Variants in STOX2 observed in about 807,000 individuals in gnomAD.
STOX2 encodes storkhead-box protein 2.
A neutral mutation model predicts 60.9 loss-of-function variants in STOX2; 28 were observed. The observed-to-expected ratio is 0.46, with a 90% CI of 0.34 to 0.63. The LOEUF (loss-of-function observed/expected upper bound fraction) is 0.63, where lower values mean the gene tolerates loss of function less well. Ranked by LOEUF, STOX2 falls within the 30% of genes least tolerant of loss-of-function variation. STOX2 has a pLI of 0.01. For synonymous variants in STOX2, 472 were observed against 463.9 expected, an observed-to-expected ratio of 1.02 and a Z score of -0.22; for missense variants, 1,024 against 1,187.7, an observed-to-expected ratio of 0.86 and a Z score of 2.03.
chr4:183,811,960 G>A (rs1269397875), intron 1 of STOX2, among the ~76,000 whole-genome samples: 1 of 125,764 alleles, frequency 8.0e-6, no homozygotes, highest in African/African-American at 3.6e-5. Flanking sequence ...TTGAGACAGG[G>A]TCTCACTCTC....
chr4:183,943,984 A>T (rs765427128), intron 1 of STOX2, among the ~76,000 whole-genome samples: 1 of 152,250 alleles, frequency 6.6e-6, no homozygotes, highest in Non-Finnish European at 1.5e-5. Flanking sequence ...GGATTCAAAG[A>T]TGTCTCAAAG....
intron 1 of STOX2, among the ~76,000 whole-genome samples, chr4:183,800,917 G>C (rs990489314): frequency 1.3e-5 from 2 of 152,194 alleles, no homozygotes; most frequent in African/African-American, 4.8e-5. Context: ...CAGGCGGGGC[G>C]AGACAGGCAA....
intron 1 of STOX2, among the ~76,000 whole-genome samples, chr4:183,994,206 C>T (rs190633898): frequency 6.6e-6 from 1 of 152,280 alleles, no homozygotes; most frequent in East Asian, 1.9e-4. Flanking sequence ...GTTGTGTTGT[C>T]CCCATGCCCA....
intron 1 of STOX2, among the ~76,000 whole-genome samples, chr4:183,908,027 T>A (rs1269514727): frequency 6.6e-6 from 1 of 152,266 alleles, no homozygotes; most frequent in East Asian, 1.9e-4. Flanking sequence ...ACTTACAGTC[T>A]AGCTTTACTC....
At chr4:183,931,499 A>G (rs1404966263) in intron 1 of STOX2, among the ~76,000 whole-genome samples, 1 of 152,212 alleles carries the variant, frequency 6.6e-6, no homozygotes, top group Non-Finnish European at 1.5e-5. Flanking sequence ...ATTCAGAGAT[A>G]TCTAGTGTCT....
chr4:183,874,056 C>CATAA, intron 1 of STOX2, among the ~76,000 whole-genome samples: 1 of 152,280 alleles, frequency 6.6e-6, no homozygotes, highest in African/African-American at 2.4e-5. Context: ...CTGTGGCTCC[C>CATAA]ATAAGTAAGT....
In STOX2 at chr4:183,821,270, G is replaced by GCCC; in HGVS notation, c.364+23216_364+23218dup. Among the ~76,000 whole-genome samples, 1 of 152,308 alleles carries GCCC rather than the reference G, an allele frequency of 6.6e-6. No individual in the cohort carries two copies. Among genetic ancestry groups the GCCC allele is most frequent in the East Asian group, 1.9e-4 (1 of 5,184 alleles). Reference sequence around the variant, plus strand: ...GGTGAGAACCCTCCCTTGGCTGGAGGCCCGTGTGTAACCATATGGTGCTTC... The same window carrying GCCC: ...GGTGAGAACCCTCCCTTGGCTGGAGGCCCCCCGTGTGTAACCATATGGTGCTTC... On this transcript the variant is annotated intron_variant, in intron 1 of 2. Coordinates refer to the STOX2 transcript ENST00000513034. The surrounding 1 kb of genome is among the most constrained non-coding windows in gnomAD (Gnocchi z 4.2).
chr4:183,893,331 G>A (rs1032029745), intron 1 of STOX2, among the ~76,000 whole-genome samples: 1 of 152,296 alleles, frequency 6.6e-6, no homozygotes, highest in South Asian at 2.1e-4. Flanking sequence ...ACTGTTAGCC[G>A]ACCTAACAGC....
chr4:183,843,120 C>T (rs1739903762), intron 1 of STOX2, among the ~76,000 whole-genome samples: 1 of 148,410 alleles, frequency 6.7e-6, no homozygotes, highest in Admixed American at 6.7e-5. Flanking sequence ...CGTACTCCAC[C>T]CTGAGAGACA....
chr4:184,004,828 A>G (rs1277711134), intron 2 of STOX2, among the ~76,000 whole-genome samples: 1 of 152,212 alleles, frequency 6.6e-6, no homozygotes. Flanking sequence ...CAGAATGATC[A>G]TTTAAATTGG....
intron 1 of STOX2, among the ~76,000 whole-genome samples, chr4:183,966,993 C>T (rs1743591597): frequency 6.6e-6 from 1 of 152,092 alleles, no homozygotes; most frequent in Non-Finnish European, 1.5e-5. Context: ...AGTGACGTGA[C>T]ATGTAGAAAG....
chr4:183,867,948 C>A (rs1240898152), intron 1 of STOX2, among the ~76,000 whole-genome samples: 1 of 152,196 alleles, frequency 6.6e-6, no homozygotes, highest in Non-Finnish European at 1.5e-5. Flanking sequence ...TCAGAATTTT[C>A]CCTCTGCTTT....
intron 1 of STOX2, among the ~76,000 whole-genome samples, chr4:183,959,894 G>A (rs916719588): frequency 2.6e-5 from 4 of 151,958 alleles, no homozygotes; most frequent in Admixed American, 6.6e-5. Flanking sequence ...GGTTATATTG[G>A]GACTTCATGG....
intron 3 of STOX2, chr4:184,014,474 T>C (rs969331178): frequency 1.5e-4 from 23 of 151,966 alleles, no homozygotes; most frequent in African/African-American, 5.6e-4. Flanking sequence ...GGAAGACATG[T>C]GTACAGAAGG....
intron 1 of STOX2, among the ~76,000 whole-genome samples, chr4:183,878,355 G>A (rs1740878077): frequency 1.3e-5 from 2 of 152,162 alleles, no homozygotes; most frequent in South Asian, 4.1e-4. Flanking sequence ...TTGTTTTTTG[G>A]TGTTTTTTGA....
intron 1 of STOX2, among the ~76,000 whole-genome samples, chr4:183,857,764 C>G (rs777600249): frequency 2.6e-5 from 4 of 152,078 alleles, no homozygotes; most frequent in Non-Finnish European, 5.9e-5. Flanking sequence ...GCCCCCCTTC[C>G]TTGGTTTCTG....
rs1395447961 is a variant in STOX2 at position 184,022,715 on chromosome 4, G to A, written c.*5431G>A. 1 of 151,208 alleles carries A rather than the reference G, an allele frequency of 6.6e-6. No homozygotes were observed. The highest frequency in any genetic ancestry group is 1.5e-5 in the Non-Finnish European group (1 of 67,940). 9.4% of individuals were successfully genotyped at this position (151,208 alleles called of 1,614,324 possible). A position where few individuals can be genotyped will look rare whatever the true frequency, so the allele number is the denominator to read the frequency against. On this transcript the variant is annotated 3_prime_UTR_variant, in exon 4 of 4. Coordinates refer to ENST00000308497, the MANE Select transcript of STOX2 (RefSeq NM_020225.3). ...AGATCTCCTCCAATATCTGTCCTCT[G>A]CAGTTCCGGGAAACTAATCATGAAG...
chr4:183,932,315 AG>A (rs1560889678), intron 1 of STOX2, among the ~76,000 whole-genome samples: 2,465 of 56,002 alleles, frequency 0.044, 87 homozygotes, highest in African/African-American at 0.085. Flanking sequence ...GTATACATAC[AG>A]TATATGTATG....
chr4:183,950,140 A>G (rs570195443), intron 1 of STOX2, among the ~76,000 whole-genome samples: 111 of 152,390 alleles, frequency 7.3e-4, no homozygotes, highest in Non-Finnish European at 1.4e-3. Context: ...AGGGACAGCT[A>G]AAGCTGAAAT....
Sources: gnomAD v4.1 joint callset for allele counts (sites outside exome capture counted in the v4.1 genomes callset) on GRCh38, gnomAD v4.1.1 for gene constraint, Gnocchi (gnomAD v3.1) non-coding constraint, MANE v1.5 for transcripts, NCBI Gene and HGNC (gene_info 2026-07-23, HGNC 2026-07-21) for gene names.